TCF4: variants seen among roughly 807,000 people sequenced by gnomAD.
TCF4 encodes transcription factor 4.
A neutral mutation model predicts 82.1 loss-of-function variants in TCF4; 3 were observed. That is an observed-to-expected ratio of 0.04 (90% CI 0.02 to 0.09). TCF4 has a LOEUF of 0.09. TCF4 is among the 10% of genes least tolerant of loss of function. The pLI, the probability that TCF4 is intolerant of heterozygous loss-of-function variation, is 1.00. For synonymous variants in TCF4, 276 were observed against 309.6 expected (o/e 0.89, Z 1.14); for missense variants, 518 against 852.7 (o/e 0.61, Z 4.89).
intron 8 of TCF4, among the ~76,000 whole-genome samples, chr18:55,296,817 A>G (rs940305942): frequency 7.2e-5 from 11 of 152,166 alleles, no homozygotes; most frequent in African/African-American, 2.7e-4. Flanking sequence ...TAAACTGCAT[A>G]TAATTAAGTG....
At chr18:55,548,606 C>T (rs761352867) in intron 3 of TCF4, among the ~76,000 whole-genome samples, 5 of 152,124 alleles carry the variant, frequency 3.3e-5, no homozygotes, top group African/African-American at 7.2e-5. Flanking sequence ...TAGGTGATTT[C>T]GTCATTGTGA....
At chr18:55,436,625 A>C (rs2095335286) in intron 5 of TCF4, among the ~76,000 whole-genome samples, 1 of 152,222 alleles carries the variant, frequency 6.6e-6, no homozygotes, top group South Asian at 2.1e-4. Context: ...GTCTACCACC[A>C]CAGTCAAAAT....
At chr18:55,401,864 C>A in intron 6 of TCF4, 2 of 883,290 alleles carry the variant, frequency 2.3e-6, no homozygotes, top group African/African-American at 1.8e-5. Flanking sequence ...AGACCTCTGC[C>A]ATGACCATCT....
chr18:55,257,490 T>C, intron 13 of TCF4, 99 bp from the exon 14 acceptor site: 1 of 1,149,402 alleles, frequency 8.7e-7, no homozygotes, highest in South Asian at 1.2e-5. Flanking sequence ...ATGGCAATGA[T>C]GATTTTCATT....
At chr18:55,588,254 A>G, upstream of TCF4, 1 of 1,369,808 alleles carries the variant, frequency 7.3e-7, no homozygotes, top group South Asian at 1.5e-5. Flanking sequence ...AGGGGAGGGG[A>G]CGGAGGGAAG....
chr18:55,355,416 C>G (rs2119291), intron 6 of TCF4, among the ~76,000 whole-genome samples: 5 of 152,214 alleles, frequency 3.3e-5, no homozygotes, highest in African/African-American at 1.2e-4. Context: ...AAATCCCTGT[C>G]GAATAGTTGC....
At chr18:55,508,837 T>G (rs189527995) in intron 3 of TCF4, among the ~76,000 whole-genome samples, 1 of 152,306 alleles carries the variant, frequency 6.6e-6, no homozygotes, top group Admixed American at 6.5e-5. Context: ...TGCTACAAGG[T>G]TTCATTTCAC....
At chr18:55,463,966 G>GTGTGTT (rs1280144683) in intron 4 of TCF4, 110 bp downstream of exon 4, 5 of 828,318 alleles carry the variant, frequency 6.0e-6, no homozygotes, top group African/African-American at 5.8e-5. Context: ...GTGTGTGTGT[G>GTGTGTT]TGTGTGTGTG....
At chr18:55,381,508 G>C (rs2091893550) in intron 6 of TCF4, among the ~76,000 whole-genome samples, 1 of 152,226 alleles carries the variant, frequency 6.6e-6, no homozygotes, top group African/African-American at 2.4e-5. Flanking sequence ...TGACCAAATG[G>C]TGCTACTGCA....
At chr18:55,283,716 TCCTGCTTG>T (rs1568684987) in intron 8 of TCF4, among the ~76,000 whole-genome samples, 1 of 152,214 alleles carries the variant, frequency 6.6e-6, no homozygotes, top group Non-Finnish European at 1.5e-5. Context: ...GTCCTCAGAT[TCCTGCTTG>T]TAAAGTGGAA....
intron 3 of TCF4, chr18:55,550,906 G>A (rs2097254739): frequency 6.6e-6 from 1 of 151,994 alleles, no homozygotes; most frequent in Admixed American, 6.6e-5. Flanking sequence ...CTGCTTCAAT[G>A]TGACCAAAAT....
chr18:55,299,963 C>A (rs1688261253), intron 8 of TCF4, among the ~76,000 whole-genome samples: 1 of 152,128 alleles, frequency 6.6e-6, no homozygotes, highest in African/African-American at 2.4e-5. Flanking sequence ...GCTTTTCCAT[C>A]ATCTTATGGC....
At chr18:55,566,736 T>C (rs898268100) in intron 3 of TCF4, among the ~76,000 whole-genome samples, 1 of 151,704 alleles carries the variant, frequency 6.6e-6, no homozygotes, top group African/African-American at 2.4e-5. Context: ...GTTAAGAGAA[T>C]GAAGGACAGA....
At chr18:55,463,641 G>A (rs2095923525) in intron 4 of TCF4, among the ~76,000 whole-genome samples, 1 of 152,112 alleles carries the variant, frequency 6.6e-6, no homozygotes, top group Admixed American at 6.5e-5. Flanking sequence ...ACTTCATAGT[G>A]TATCTTTGGG....
intron 5 of TCF4, among the ~76,000 whole-genome samples, chr18:55,441,596 A>G (rs2095439397): frequency 6.6e-6 from 1 of 152,244 alleles, no homozygotes; most frequent in African/African-American, 2.4e-5. Flanking sequence ...AATACAAAAT[A>G]GAACAGCTTG....
chr18:55,573,700 G>C (rs771042804), intron 3 of TCF4, among the ~76,000 whole-genome samples: 28 of 152,164 alleles, frequency 1.8e-4, no homozygotes, highest in Admixed American at 7.9e-4. Context: ...AGCCCTTCCT[G>C]ACTGCTCCCC....
intron 3 of TCF4, among the ~76,000 whole-genome samples, chr18:55,574,347 C>A (rs1255257393): frequency 6.6e-6 from 1 of 151,748 alleles, no homozygotes; most frequent in Non-Finnish European, 1.5e-5. Flanking sequence ...ATTTTTGAGA[C>A]AGAGTCTTGC....
Position 55,228,927 on chromosome 18 carries a change from T to C in TCF4, c.1799A>G (p.Lys600Arg). The change falls in exon 18 of 20, where the codon AAG becomes AGG. Residue 600 changes from lysine to arginine, a missense_variant. Transcript: ENST00000354452. ...ELGRMVQLHL[K>R]SDKPQTKLLI... The stretch of plus-strand genomic sequence containing the variant: ...GAGCTTGGTCTGGGGCTTGTCACTC[T>C]TGAGGTGGAGCTGCACCATGCGGCC... The C allele has an allele frequency of 1.2e-6, 2 of 1,614,184 alleles. No homozygotes were observed. The highest frequency in any genetic ancestry group is 1.7e-6 in the Non-Finnish European group (2 of 1,180,032).
At chr18:55,287,132 T>C (rs746714274) in intron 8 of TCF4, among the ~76,000 whole-genome samples, 2 of 152,238 alleles carry the variant, frequency 1.3e-5, no homozygotes, top group Non-Finnish European at 2.9e-5. Flanking sequence ...CACTTATGTG[T>C]ATGATATTCA....
Sources: gnomAD v4.1 joint callset for allele counts (sites outside exome capture counted in the v4.1 genomes callset) on GRCh38, gnomAD v4.1.1 for gene constraint, MANE v1.5 for transcripts, NCBI Gene and HGNC (gene_info 2026-07-23, HGNC 2026-07-21) for gene names.